Variants in SRFBP1 observed in about 807,000 individuals in gnomAD.
The protein encoded by SRFBP1 is serum response factor-binding protein 1.
In SRFBP1, 47 loss-of-function variants were observed where a neutral mutation model predicts 45.5. The observed-to-expected ratio is 1.03, with a 90% CI of 0.82 to 1.32. SRFBP1 has a LOEUF of 1.32. SRFBP1 is among the 40% of genes most tolerant of loss of function. The pLI is 0.00. For synonymous variants in SRFBP1, 203 were observed against 166.3 expected (o/e 1.22, Z -1.70); for missense variants, 621 against 484.6 (o/e 1.28, Z -2.64).
chr5:122,071,962 T>G (rs76358196), intron 2 of SRFBP1, among the ~76,000 whole-genome samples: 1 of 152,178 alleles, frequency 6.6e-6, no homozygotes, highest in South Asian at 2.1e-4. Context: ...ATTATCTAGA[T>G]TCCTACCTTG....
chr5:122,033,160 G>A (rs1753617995), downstream of SRFBP1, among the ~76,000 whole-genome samples: 1 of 151,062 alleles, frequency 6.6e-6, no homozygotes, highest in African/African-American at 2.4e-5. Context: ...TTTTCCACTG[G>A]TGAGGGTTTT....
intron 4 of SRFBP1, among the ~76,000 whole-genome samples, chr5:122,017,926 C>G (rs1198466948): frequency 6.6e-6 from 1 of 152,224 alleles, no homozygotes; most frequent in African/African-American, 2.4e-5. Flanking sequence ...TTACCAGTCA[C>G]TATTCTAGGC....
chr5:122,068,668 C>T (rs1486204585), intron 2 of SRFBP1, among the ~76,000 whole-genome samples: 1 of 152,014 alleles, frequency 6.6e-6, no homozygotes, highest in East Asian at 1.9e-4. Flanking sequence ...AGGAGACAGA[C>T]ATTAAACAAA....
chr5:121,980,272 G>C (rs1229977152), intron 3 of SRFBP1, among the ~76,000 whole-genome samples: 2 of 152,046 alleles, frequency 1.3e-5, no homozygotes, highest in Non-Finnish European at 2.9e-5. Flanking sequence ...TATAATAATA[G>C]TGTTTTGTAT....
Position 122,020,780 on chromosome 5 carries a change from T to G in SRFBP1, c.1045T>G (p.Ser349Ala), listed in dbSNP as rs886226359. 4 of 1,575,616 alleles carry G rather than the reference T, an allele frequency of 2.5e-6. No homozygotes were observed. In the Admixed American group the frequency reaches 8.0e-5, roughly 31 times the overall value. Reference protein sequence around the residue: ...KLESVFFHSLSGSKSSRRNFK... With the variant: ...KLESVFFHSLAGSKSSRRNFK... The stretch of plus-strand genomic sequence containing the variant: ...AGAATCAGTGTTTTTCCACTCTTTA[T>G]CTGGATCTAAAAGCTCTAGAAGGTA... Residue 349 changes from serine to alanine, a missense_variant, in exon 6 of 8, where the codon TCT becomes GCT. Ser to Ala is a moderately conservative substitution (Grantham distance 99). Transcript: ENST00000339397.
downstream of SRFBP1, among the ~76,000 whole-genome samples, chr5:122,031,759 G>A (rs553912383): frequency 1.6e-3 from 247 of 152,308 alleles, 2 homozygotes; most frequent in African/African-American, 5.7e-3. Flanking sequence ...CTGATGATGA[G>A]TGAACAGTGT....
intron 2 of SRFBP1, 134 bp downstream of exon 2, chr5:121,974,418 G>A (rs1049430255): frequency 3.8e-5 from 23 of 609,830 alleles, no homozygotes; most frequent in South Asian, 1.4e-4. Flanking sequence ...TTTTGTATGC[G>A]GAGATGATGT....
intron 2 of SRFBP1, among the ~76,000 whole-genome samples, chr5:122,052,302 G>A (rs2152578036): frequency 6.6e-6 from 1 of 152,254 alleles, no homozygotes. Flanking sequence ...CTCTAGAGAG[G>A]TGGGGGAAGT....
intron 4 of SRFBP1, among the ~76,000 whole-genome samples, chr5:122,001,454 A>T (rs1752866388): frequency 6.9e-6 from 1 of 143,958 alleles, no homozygotes; most frequent in Non-Finnish European, 1.5e-5. Context: ...TACAAATTTT[A>T]CTCCACACTA....
At chr5:122,032,556 CATTTAAAATA>C (rs1753608607), downstream of SRFBP1, among the ~76,000 whole-genome samples, 1 of 152,074 alleles carries the variant, frequency 6.6e-6, no homozygotes, top group South Asian at 2.1e-4. Context: ...TTGCCTTTTT[CATTTAAAATA>C]TATCCTGGCA....
downstream of SRFBP1, among the ~76,000 whole-genome samples, chr5:122,032,275 T>C (rs1753601684): frequency 6.6e-6 from 1 of 152,022 alleles, no homozygotes; most frequent in African/African-American, 2.4e-5. Context: ...GTTTTTTTTT[T>C]TTCCTTTATG....
intron 2 of SRFBP1, among the ~76,000 whole-genome samples, chr5:122,047,512 ATTGTCTTG>A (rs1753885926): frequency 6.6e-6 from 1 of 152,058 alleles, no homozygotes; most frequent in Admixed American, 6.5e-5. Context: ...TTGGCTTAGG[ATTGTCTTG>A]GCAATGCGGG....
chr5:122,003,404 G>T (rs891484990), intron 4 of SRFBP1, among the ~76,000 whole-genome samples: 1 of 150,526 alleles, frequency 6.6e-6, no homozygotes, highest in African/African-American at 2.5e-5. Flanking sequence ...TGTGTGCTCA[G>T]GTCTTAGACA....
chr5:122,020,948 G>A lies in SRFBP1; in HGVS notation c.1067+146G>A, dbSNP rs900671517. The A allele has an allele frequency of 8.9e-6, 6 of 675,712 alleles. No individual in the cohort carries two copies. In the African/African-American group the frequency reaches 1.1e-4, roughly 13 times the overall value. The allele number at this position is 675,712 out of a possible 1,614,324, so 41.9% of individuals were successfully genotyped here. On this transcript the variant is annotated intron_variant, in intron 6 of 7. Transcript: ENST00000339397. ...ACATGGCCCTCTCCAAGGTTGTAGT[G>A]GGGTATTAGGTACAGATACACATAT...
At chr5:122,025,800 C>G (rs1206333567) in intron 7 of SRFBP1, among the ~76,000 whole-genome samples, 1 of 152,126 alleles carries the variant, frequency 6.6e-6, no homozygotes, top group Non-Finnish European at 1.5e-5. Context: ...TTAAAGAGGT[C>G]TTTAAAAGGC....
At chr5:121,979,253 C>T (rs1040986091) in intron 3 of SRFBP1, among the ~76,000 whole-genome samples, 1 of 152,150 alleles carries the variant, frequency 6.6e-6, no homozygotes, top group Admixed American at 6.5e-5. Context: ...GCTGTGTATA[C>T]CCCTTAGATT....
chr5:122,068,476 C>G lies in SRFBP1; in HGVS notation n.312-6839C>G, dbSNP rs554122815. On this transcript the variant is annotated intron_variant and non_coding_transcript_variant, in intron 2 of 2. Transcript: ENST00000504881. Reference sequence around the variant, plus strand: ...CCTCATGAAACTTCTCATATTGTATCTCTATTACAGTTATATGTGTAATTC... The same window carrying G: ...CCTCATGAAACTTCTCATATTGTATGTCTATTACAGTTATATGTGTAATTC... 2.6e-5 allele frequency among the ~76,000 whole-genome samples: 4 copies of G among 152,232 alleles called. 1 individual carries two copies. The East Asian group carries it at 7.7e-4, about 29-fold the overall frequency.
chr5:121,970,906 G>A (rs1752176657), intron 1 of SRFBP1, among the ~76,000 whole-genome samples: 1 of 152,038 alleles, frequency 6.6e-6, no homozygotes, highest in Non-Finnish European at 1.5e-5. Context: ...AAAGTATTAA[G>A]TTACCAATTA....
At chr5:122,039,893 G>T (rs1490992585) in intron 2 of SRFBP1, among the ~76,000 whole-genome samples, 2 of 152,054 alleles carry the variant, frequency 1.3e-5, no homozygotes, top group Admixed American at 1.3e-4. Flanking sequence ...GAGTAATTGG[G>T]TTATCCTTAT....
Sources: gnomAD v4.1 joint callset for allele counts (sites outside exome capture counted in the v4.1 genomes callset) on GRCh38, gnomAD v4.1.1 for gene constraint, MANE v1.5 for transcripts, NCBI Gene and HGNC (gene_info 2026-07-23, HGNC 2026-07-21) for gene names.